Variants in SHANK1 observed in about 807,000 individuals in gnomAD.
SHANK1 encodes the protein SH3 and multiple ankyrin repeat domains protein 1.
A neutral mutation model predicts 165.6 loss-of-function variants in SHANK1; 35 were observed. The observed-to-expected ratio is 0.21, with a 90% confidence interval of 0.16 to 0.28. SHANK1 has a LOEUF of 0.28. Ranked by LOEUF, SHANK1 falls within the 10% of genes least tolerant of loss-of-function variation. SHANK1 has a pLI of 1.00. For synonymous variants in SHANK1, 1,428 were observed against 1,384.8 expected (o/e 1.03, Z -0.69); for missense variants, 2,681 against 3,036.4 (o/e 0.88, Z 2.75).
chr19:50,671,147 C>G (rs2123092200), intron 22 of SHANK1, among the ~76,000 whole-genome samples: 1 of 146,582 alleles, frequency 6.8e-6, no homozygotes, highest in East Asian at 2.0e-4. Context: ...CACTCCCTAT[C>G]TCTCTTACCT....
intron 21 of SHANK1, among the ~76,000 whole-genome samples, chr19:50,678,054 G>T (rs1986035463): frequency 6.6e-6 from 1 of 152,180 alleles, no homozygotes; most frequent in South Asian, 2.1e-4. Context: ...CATTTTACCT[G>T]CTATTTTTCG....
Position 50,667,681 on chromosome 19 carries a change from C to A in SHANK1, c.4279G>T (p.Gly1427Cys), listed in dbSNP as rs781422613. 2 of 1,375,248 alleles carry A rather than the reference C, an allele frequency of 1.5e-6. No homozygotes were observed. The highest frequency in any genetic ancestry group is 1.9e-6 in the Non-Finnish European group (2 of 1,072,570). 85.2% of individuals were successfully genotyped at this position (1,375,248 alleles called of 1,614,324 possible). A position where few individuals can be genotyped will look rare whatever the true frequency, so the allele number is the denominator to read the frequency against. ...RRELGYRAGLGSQEKSLPASP... is the reference protein window; with the variant it reads ...RRELGYRAGLCSQEKSLPASP... ...GCGGGAAGGGACTTCTCCTGGCTGC[C>A]CAGCCCGGCCCTGTACCCCAGCTCC... is the stretch of plus-strand genomic sequence containing the variant. The change falls in exon 23 of 24, where the codon GGC (glycine) becomes TGC (cysteine). Residue 1427 changes from glycine (G) to cysteine (C), a missense_variant. Physicochemically the swap from Gly to Cys is radical, Grantham distance 159. Around this residue, in one of 10 missense-constraint regions of SHANK1, gnomAD observed 1,713 missense variants for 1,630.2 expected, o/e 1.05. Transcript: ENST00000293441. The surrounding 1 kb of genome is among the most constrained non-coding windows in gnomAD (Gnocchi z 5.7).
At position 50,668,893 on chromosome 19, in the gene SHANK1, G is replaced by A; in HGVS notation, c.3067C>T (p.Pro1023Ser). 1 of 1,097,398 alleles carries A rather than the reference G, an allele frequency of 9.1e-7. No individual in the cohort carries two copies. The highest frequency in any genetic ancestry group is 1.2e-6 in the Non-Finnish European group (1 of 837,752). 68.0% of individuals were successfully genotyped at this position (1,097,398 alleles called of 1,614,324 possible). The change falls in exon 23 of 24, where the codon CCT (proline) becomes TCT (serine). Residue 1023 changes from proline (P) to serine (S), a missense_variant. This residue lies in a region of SHANK1 where 1,713 missense variants were observed against 1,630.2 expected (regional missense o/e 1.05). Coordinates refer to ENST00000293441, the MANE Select transcript of SHANK1 (RefSeq NM_016148.5). ...GAGCCGCCTGTCTCCATCTCGGGAGGATGAGGGGGGTGGGCGTGGTGGTGG... is the reference window on the plus strand; with the variant it reads ...GAGCCGCCTGTCTCCATCTCGGGAGAATGAGGGGGGTGGGCGTGGTGGTGG... ...PHHHHAHPPH[P>S]PEMETGGSPD...
At position 50,661,710 on chromosome 19, in the gene SHANK1, T is replaced by G; in HGVS notation, c.*255A>C. The G allele has an allele frequency of 6.0e-6, 3 of 500,470 alleles. No homozygotes were observed. Among genetic ancestry groups the G allele is most frequent in the Non-Finnish European group, 7.2e-6 (2 of 278,894 alleles). The allele number at this position is 500,470 out of a possible 1,614,324, so 31.0% of individuals were successfully genotyped here. A position where few individuals can be genotyped will look rare whatever the true frequency, so the allele number is the denominator to read the frequency against. On this transcript the variant is annotated 3_prime_UTR_variant, in exon 24 of 24. Transcript: ENST00000293441. ...CCTCCTTCTCAATTCCCCTCTGTAA[T>G]TTCTCCTATCCCCCCTCCGCTCCCC... is the stretch of plus-strand genomic sequence containing the variant.
rs1304837431 is a variant in SHANK1, at chr19:50,697,575, G to A, written c.1937+14C>T. ...GGGGTGAGGGGGGTTGCCCGAGGGT[G>A]TAAGGACATTTACCTTGGGGCATCA... On this transcript the variant is annotated intron_variant, in intron 14 of 23. Transcript: ENST00000293441. The surrounding 1 kb of genome is among the most constrained non-coding windows in gnomAD (Gnocchi z 4.7). 6.2e-7 allele frequency: 1 copy of A among 1,607,732 alleles called. No individual in the cohort carries two copies. The highest frequency in any genetic ancestry group is 1.1e-5 in the South Asian group (1 of 90,952).
chr19:50,685,943 C>A (rs896946379), intron 21 of SHANK1, among the ~76,000 whole-genome samples: 2 of 151,800 alleles, frequency 1.3e-5, no homozygotes, highest in African/African-American at 2.4e-5. Flanking sequence ...TCCTTGAGAC[C>A]CTTAAGATGG....
chr19:50,668,113 G>A lies in SHANK1; in HGVS notation c.3847C>T (p.Arg1283Cys), dbSNP rs1985624688. The part of the protein sequence containing the change: ...GTGAAPGPRL[R>C]HSKSIDEGMF... ...CCCTCGTCGATGGATTTGGAGTGGC[G>A]CAGCCGCGGGCCCGGGGCCGCCCCT... Residue 1283 changes from arginine to cysteine, a missense_variant, in exon 23 of 24, where the codon CGC becomes TGC. By Grantham distance (180) the Arg-to-Cys change is radical. Transcript: ENST00000293441. The A allele has an allele frequency of 1.4e-6, 2 of 1,475,928 alleles. No individual in the cohort carries two copies. Among genetic ancestry groups the A allele is most frequent in the South Asian group, 2.6e-5 (2 of 77,682 alleles). The allele number at this position is 1,475,928 out of a possible 1,614,324, so 91.4% of individuals were successfully genotyped here.
chr19:50,687,840 G>C (rs1209391841), intron 18 of SHANK1, 83 bp downstream of exon 18: 1 of 1,560,368 alleles, frequency 6.4e-7, no homozygotes. Flanking sequence ...GGAAGGCCTT[G>C]GGCAGCAGCA....
At chr19:50,680,671 C>T (rs80183476) in intron 21 of SHANK1, among the ~76,000 whole-genome samples, 199 of 144,518 alleles carry the variant, frequency 1.4e-3, no homozygotes, top group African/African-American at 4.1e-3. Context: ...TTTTTTTTTC[C>T]CCGAGACAGA....
chr19:50,663,097 C>T (rs1985335313), intron 23 of SHANK1: 1 of 212,836 alleles, frequency 4.7e-6, no homozygotes, highest in Admixed American at 5.3e-5. Flanking sequence ...AATAACTTGC[C>T]TAAGGACACA....
chr19:50,684,462 G>C (rs551873990), intron 21 of SHANK1, among the ~76,000 whole-genome samples: 22 of 152,286 alleles, frequency 1.4e-4, no homozygotes, highest in Admixed American at 1.2e-3. Context: ...CTGACCTCAG[G>C]TGATCAGCCC....
At chr19:50,676,380 G>A (rs914087338) in intron 21 of SHANK1, among the ~76,000 whole-genome samples, 1 of 152,152 alleles carries the variant, frequency 6.6e-6, no homozygotes, top group African/African-American at 2.4e-5. Context: ...AGGAGGTGAA[G>A]GAGGGGGCAT....
At chr19:50,674,069 A>G (rs1015143537) in intron 21 of SHANK1, among the ~76,000 whole-genome samples, 39 of 151,328 alleles carry the variant, frequency 2.6e-4, no homozygotes, top group African/African-American at 9.2e-4. Context: ...TTCTCAGATT[A>G]CAGGCATGAG....
chr19:50,686,147 C>T lies in SHANK1; in HGVS notation c.2577+90G>A. On this transcript the variant is annotated intron_variant, in intron 21 of 23. Transcript: ENST00000293441. This position sits in a 1 kb window ranked among gnomAD's most constrained non-coding sequence, Gnocchi z 5.7. ...CCAGGACCAGCCTAAAGCACAGAGG[C>T]GTCAGGAGGGTTTTGGAAAGAGAAA... 1.4e-6 allele frequency: 1 copy of T among 694,734 alleles called. No individual in the cohort carries two copies. The highest frequency in any genetic ancestry group is 2.4e-6 in the Non-Finnish European group (1 of 413,236). The allele number at this position is 694,734 out of a possible 1,614,324, so 43.0% of individuals were successfully genotyped here.
Position 50,689,283 on chromosome 19 carries a change from G to A in SHANK1, c.1965-4C>T. 1.2e-6 allele frequency: 2 copies of A among 1,606,038 alleles called. No individual in the cohort carries two copies. The highest frequency in any genetic ancestry group is 8.5e-7 in the Non-Finnish European group (1 of 1,173,464). ...CTTCTCCTTAATGATGTAATCGCTG[G>A]CAGGGAGGCAGGAGAAATGGGGGGG... On this transcript the variant is annotated splice_polypyrimidine_tract_variant and splice_region_variant and intron_variant, in intron 15 of 23. Coordinates refer to ENST00000293441, the MANE Select transcript of SHANK1 (RefSeq NM_016148.5).
At chr19:50,666,044 G>GAA (rs1175637594) in intron 23 of SHANK1, 148 bp downstream of exon 23, 6 of 527,082 alleles carry the variant, frequency 1.1e-5, no homozygotes, top group Middle Eastern at 6.2e-4. Flanking sequence ...AAAAGAAAAA[G>GAA]AAAATATTTG....
chr19:50,664,122 C>CT lies in SHANK1; in HGVS notation c.5769-1441dup, dbSNP rs34384254. ...GCCCAGCCTCCTTTTTCTTTTCTTT[C>CT]TTTTTTTTTTTTTTTCAACCTGGGA... On this transcript the variant is annotated intron_variant, in intron 23 of 23. Coordinates refer to ENST00000293441, the MANE Select transcript of SHANK1 (RefSeq NM_016148.5). Among the ~76,000 whole-genome samples the CT allele has an allele frequency of 3.1e-3, 430 of 136,664 alleles. 7 individuals carry two copies. The East Asian group carries it at 0.048, about 15-fold the overall frequency. 89.7% of individuals were successfully genotyped at this position (136,664 alleles called of 152,430 possible).
intron 8 of SHANK1, among the ~76,000 whole-genome samples, chr19:50,706,182 G>GT (rs2088937117): frequency 2.9e-5 from 4 of 137,946 alleles, no homozygotes; most frequent in African/African-American, 1.0e-4. Flanking sequence ...GGTTGGGGGG[G>GT]CTCAAGGTCA....
In SHANK1 at chr19:50,662,231, G is replaced by T; in HGVS notation, c.6220C>A (p.Arg2074Ser). The T allele has an allele frequency of 6.2e-7, 1 of 1,610,068 alleles. No individual in the cohort carries two copies. The highest frequency in any genetic ancestry group is 1.3e-5 in the African/African-American group (1 of 75,010). ...AGCAGGCGGGTCGGTGAGAGGGAGC[G>T]CGAGGCCCCTGACAAGGCTCCCCCG... ...GLGGALSGASRSLSPTRLLSL... is the reference protein window; with the variant it reads ...GLGGALSGASSSLSPTRLLSL... Residue 2074 changes from arginine (R) to serine (S), a missense_variant, in exon 24 of 24, where the codon CGC becomes AGC. This residue lies in a region of SHANK1 where 1,713 missense variants were observed against 1,630.2 expected (regional missense o/e 1.05). Transcript: ENST00000293441. The surrounding 1 kb of genome is among the most constrained non-coding windows in gnomAD (Gnocchi z 7.7).
Sources: allele counts gnomAD v4.1 joint callset (sites outside exome capture counted in the v4.1 genomes callset), GRCh38; gene constraint gnomAD v4.1.1; regional missense constraint gnomAD v4.1.1; non-coding constraint Gnocchi (gnomAD v3.1); transcripts MANE v1.5; gene names NCBI Gene and HGNC (gene_info 2026-07-23, HGNC 2026-07-21).